GRAMD4: variants seen among roughly 807,000 people sequenced by gnomAD.
GRAMD4 encodes GRAM domain containing 4, also known as GRAM domain-containing protein 4.
In GRAMD4, 25 loss-of-function variants were observed where a neutral mutation model predicts 83.9. The observed-to-expected ratio is 0.30, with a 90% CI of 0.22 to 0.42. GRAMD4 has a LOEUF of 0.42. Among genes scored for constraint, GRAMD4 ranks in the 10% least tolerant of loss-of-function variants. GRAMD4 has a pLI of 1.00. For synonymous variants in GRAMD4, 336 were observed against 320.9 expected (o/e 1.05, Z -0.50); for missense variants, 593 against 788.7 (o/e 0.75, Z 2.97).
chr22:46,645,025 C>T (rs920824989), intron 3 of GRAMD4, among the ~76,000 whole-genome samples: 2 of 146,566 alleles, frequency 1.4e-5, no homozygotes, highest in African/African-American at 5.0e-5. Flanking sequence ...TTATTACAGG[C>T]GTGAGCCACT....
chr22:46,645,528 C>T (rs114790518), intron 3 of GRAMD4, among the ~76,000 whole-genome samples: 70 of 152,344 alleles, frequency 4.6e-4, no homozygotes, highest in African/African-American at 1.6e-3. Flanking sequence ...TCAGCTCCCC[C>T]ACCTGTAAAG....
intron 1 of GRAMD4, among the ~76,000 whole-genome samples, chr22:46,587,015 G>T (rs554017554): frequency 6.6e-6 from 1 of 152,206 alleles, no homozygotes; most frequent in Non-Finnish European, 1.5e-5. Context: ...TAACTACCCT[G>T]TGATGCTGGA....
chr22:46,662,865 C>T (rs1389972738), intron 5 of GRAMD4, among the ~76,000 whole-genome samples, 175 bp from the exon 6 acceptor site: 1 of 152,198 alleles, frequency 6.6e-6, no homozygotes, highest in Non-Finnish European at 1.5e-5. Context: ...CTGAGCCCTT[C>T]AAAGTCCCTT....
downstream of GRAMD4, chr22:46,682,392 A>G: frequency 1.0e-6 from 1 of 982,752 alleles, no homozygotes; most frequent in Non-Finnish European, 1.2e-6. Flanking sequence ...ATGATGACAG[A>G]AAACCCCGAA....
At chr22:46,657,131 G>C (rs2147320774) in intron 3 of GRAMD4, among the ~76,000 whole-genome samples, 1 of 152,382 alleles carries the variant, frequency 6.6e-6, no homozygotes, top group East Asian at 1.9e-4. Flanking sequence ...GGTTGGGCTG[G>C]GCAGGGGACA....
At chr22:46,620,043 G>A (rs116175124), upstream of GRAMD4, among the ~76,000 whole-genome samples, 205 of 152,322 alleles carry the variant, frequency 1.3e-3, no homozygotes, top group African/African-American at 4.5e-3. This position sits in a 1 kb window ranked among gnomAD's most constrained non-coding sequence, Gnocchi z 4.7. Flanking sequence ...CCCAGAACTC[G>A]GAGAGGAACT....
At chr22:46,635,897 GAGAAAC>G (rs1178214020) in intron 2 of GRAMD4, among the ~76,000 whole-genome samples, 1 of 152,056 alleles carries the variant, frequency 6.6e-6, no homozygotes, top group Non-Finnish European at 1.5e-5. Flanking sequence ...GAGGACTGGA[GAGAAAC>G]AGCCCAGGGC....
intron 1 of GRAMD4, among the ~76,000 whole-genome samples, chr22:46,612,240 C>T (rs1473888227): frequency 6.6e-6 from 1 of 152,112 alleles, no homozygotes; most frequent in South Asian, 2.1e-4. Flanking sequence ...CTCCTGGGCT[C>T]AAGTGATTCT....
At chr22:46,602,744 T>C (rs75856627) in intron 1 of GRAMD4, among the ~76,000 whole-genome samples, 4,012 of 148,004 alleles carry the variant, frequency 0.027, 208 homozygotes, top group African/African-American at 0.095. Flanking sequence ...TTTTCCTTTA[T>C]CTTTTGTCCA....
intron 2 of GRAMD4, 61 bp downstream of exon 2, chr22:46,627,022 G>C: frequency 8.0e-7 from 1 of 1,249,356 alleles, no homozygotes; most frequent in Non-Finnish European, 1.2e-6. Context: ...CTCTGTGGCC[G>C]GGCCAAGCGT....
intron 1 of GRAMD4, among the ~76,000 whole-genome samples, chr22:46,601,134 ACT>A (rs1280078086): frequency 6.6e-6 from 1 of 151,834 alleles, no homozygotes; most frequent in Non-Finnish European, 1.5e-5. Flanking sequence ...ACAGAGCGAG[ACT>A]CTGTCTCAAA....
Position 46,620,531 on chromosome 22 carries a change from AAG to A in GRAMD4, c.-81_-80del, listed in dbSNP as rs1254345538. The A allele has an allele frequency of 2.1e-6, 2 of 965,376 alleles. No individual in the cohort carries two copies. The highest frequency in any genetic ancestry group is 5.0e-5 in the South Asian group (1 of 20,150). The allele number at this position is 965,376 out of a possible 1,614,324, so 59.8% of individuals were successfully genotyped here. Reference sequence around the variant, plus strand: ...CCAGGACCTGAAGGAGCCACAGTGAAAGAGTGTTTCTGGATGTATCTGAGACA... The same window carrying A: ...CCAGGACCTGAAGGAGCCACAGTGAAAGTGTTTCTGGATGTATCTGAGACA... On this transcript the variant is annotated 5_prime_UTR_variant, in exon 1 of 19. Coordinates refer to ENST00000406902, the MANE Select transcript of GRAMD4 (RefSeq NM_015124.5). This position sits in a 1 kb window ranked among gnomAD's most constrained non-coding sequence, Gnocchi z 4.7.
intron 2 of GRAMD4, among the ~76,000 whole-genome samples, chr22:46,630,695 T>C (rs2081757598): frequency 6.6e-6 from 1 of 152,210 alleles, no homozygotes; most frequent in Admixed American, 6.5e-5. Flanking sequence ...GGGATGTTCG[T>C]CACTTCAGCT....
intron 1 of GRAMD4, among the ~76,000 whole-genome samples, chr22:46,584,082 A>G (rs2081123899): frequency 6.6e-6 from 1 of 151,844 alleles, no homozygotes; most frequent in African/African-American, 2.4e-5. Context: ...CACTCGTTCC[A>G]GTGCTGGCCG....
At chr22:46,596,966 T>A (rs2081267537) in intron 1 of GRAMD4, among the ~76,000 whole-genome samples, 2 of 152,220 alleles carry the variant, frequency 1.3e-5, no homozygotes, top group Non-Finnish European at 2.9e-5. Context: ...GCTTAGCTGC[T>A]GCCTCCAGGT....
At chr22:46,609,376 G>T (rs559164173) in intron 1 of GRAMD4, among the ~76,000 whole-genome samples, 8 of 152,356 alleles carry the variant, frequency 5.3e-5, no homozygotes, top group Admixed American at 4.6e-4. Context: ...CCCAGGGCTT[G>T]GTCCATGTGG....
chr22:46,637,762 C>A (rs1031911591), intron 2 of GRAMD4, 78 bp from the exon 3 acceptor site: 6 of 1,515,126 alleles, frequency 4.0e-6, no homozygotes, highest in Admixed American at 2.1e-5. Context: ...GGCCCCTGGG[C>A]ACCTCTGGGG....
intron 9 of GRAMD4, among the ~76,000 whole-genome samples, chr22:46,666,109 C>T (rs1601668988): frequency 6.6e-6 from 1 of 152,216 alleles, no homozygotes; most frequent in African/African-American, 2.4e-5. Flanking sequence ...GAATGAGTAC[C>T]AGTCGCCTGC....
intron 18 of GRAMD4, 57 bp from the exon 19 acceptor site, chr22:46,677,090 G>C: frequency 6.2e-7 from 1 of 1,604,156 alleles, no homozygotes; most frequent in Non-Finnish European, 8.5e-7. Context: ...TCTCGGTCCT[G>C]GTCCTGGCGC....
Sources: allele counts gnomAD v4.1 joint callset (sites outside exome capture counted in the v4.1 genomes callset), GRCh38; gene constraint gnomAD v4.1.1; non-coding constraint Gnocchi (gnomAD v3.1); transcripts MANE v1.5; gene names NCBI Gene and HGNC (gene_info 2026-07-23, HGNC 2026-07-21).